Variants in LHFPL4 observed in about 807,000 individuals in gnomAD.
LHFPL4 encodes the protein LHFPL tetraspan subfamily member 4 protein.
Under a neutral mutation model 20.0 loss-of-function variants are expected in LHFPL4, and 6 were observed. That is an observed-to-expected ratio of 0.30 (90% confidence interval 0.16 to 0.59). The LOEUF (loss-of-function observed/expected upper bound fraction) is 0.59, where lower values mean the gene tolerates loss of function less well. Among genes scored for constraint, LHFPL4 ranks in the 20% least tolerant of loss-of-function variants. The pLI is 0.88. For missense variants in LHFPL4, 215 were observed against 331.2 expected (o/e 0.65, Z 2.72); for synonymous variants, 129 against 143.8 (o/e 0.90, Z 0.74).
At chr3:9,532,626 C>T (rs887101882) in intron 2 of LHFPL4, among the ~76,000 whole-genome samples, 5 of 152,204 alleles carry the variant, frequency 3.3e-5, no homozygotes, top group Admixed American at 6.5e-5. Flanking sequence ...TGAGGCACCG[C>T]GCCTGGCCTA....
In LHFPL4 at chr3:9,543,755, A is replaced by C. The variant is rs1320417039; in HGVS notation, c.406+8519T>G. On this transcript the variant is annotated intron_variant, in intron 2 of 3. Coordinates refer to ENST00000287585, the MANE Select transcript of LHFPL4 (RefSeq NM_198560.3). ...TTTTTTTTTTTTTTTTTTTGAGTCA[A>C]CATCTCACTCTGTCACCCAGGCTGG... is the stretch of plus-strand genomic sequence containing the variant. 4.2e-5 allele frequency among the ~76,000 whole-genome samples: 5 copies of C among 118,504 alleles called. 1 individual carries two copies. The highest frequency in any genetic ancestry group is 1.9e-4 in the Admixed American group (2 of 10,332). The allele number at this position is 118,504 out of a possible 152,430, so 77.7% of individuals were successfully genotyped here.
At chr3:9,542,172 G>T (rs1300964506) in intron 2 of LHFPL4, among the ~76,000 whole-genome samples, 1 of 152,208 alleles carries the variant, frequency 6.6e-6, no homozygotes, top group Non-Finnish European at 1.5e-5. Flanking sequence ...TGTAATCCCA[G>T]CTACTTGGGA....
At chr3:9,543,284 G>A (rs544843543) in intron 2 of LHFPL4, among the ~76,000 whole-genome samples, 1 of 152,012 alleles carries the variant, frequency 6.6e-6, no homozygotes, top group East Asian at 1.9e-4. Flanking sequence ...GGCGGATCAC[G>A]AGGTCAGGAG....
chr3:9,524,315 A>G (rs187869704), intron 2 of LHFPL4, among the ~76,000 whole-genome samples: 2 of 151,722 alleles, frequency 1.3e-5, no homozygotes, highest in African/African-American at 4.8e-5. Flanking sequence ...ATTTTCAGTC[A>G]TTATTATTCC....
chr3:9,511,443 C>G lies in LHFPL4; in HGVS notation c.407-5240G>C, dbSNP rs527502541. ...GCTCAGAGGCACCAGGTGTCTTATC[C>G]AATGTCACATAGCTTGTAAGTGGGG... On this transcript the variant is annotated intron_variant, in intron 2 of 3. Coordinates refer to ENST00000287585, the MANE Select transcript of LHFPL4 (RefSeq NM_198560.3). 8.5e-5 allele frequency among the ~76,000 whole-genome samples: 13 copies of G among 152,118 alleles called. 1 individual carries two copies. Among genetic ancestry groups the G allele is most frequent in the South Asian group, 8.3e-4 (4 of 4,808 alleles).
Position 9,523,990 on chromosome 3 carries a change from C to G in LHFPL4, c.407-17787G>C, listed in dbSNP as rs143889353. On this transcript the variant is annotated intron_variant, in intron 2 of 3. Coordinates refer to ENST00000287585, the MANE Select transcript of LHFPL4 (RefSeq NM_198560.3). ...CAATTCTAGGCTAGTATTTCCCCCCCCCCCAACACTTTAAATATTTCACTC... is the reference window on the plus strand; with the variant it reads ...CAATTCTAGGCTAGTATTTCCCCCCGCCCCAACACTTTAAATATTTCACTC... 3.8e-4 allele frequency among the ~76,000 whole-genome samples: 52 copies of G among 137,672 alleles called. 2 individuals are homozygous for G. The East Asian group carries it at 4.2e-3, about 11-fold the overall frequency. 90.3% of individuals were successfully genotyped at this position (137,672 alleles called of 152,430 possible). A position where few individuals can be genotyped will look rare whatever the true frequency, so the allele number is the denominator to read the frequency against.
At chr3:9,553,376 T>G (rs1442282864) in intron 1 of LHFPL4, among the ~76,000 whole-genome samples, 1 of 77,220 alleles carries the variant, frequency 1.3e-5, no homozygotes, top group Admixed American at 1.5e-4. Context: ...GATCGGGGGC[T>G]GGGACTGCTG....
chr3:9,548,318 T>TA (rs1410100393), intron 2 of LHFPL4, among the ~76,000 whole-genome samples: 2 of 152,228 alleles, frequency 1.3e-5, no homozygotes, highest in Non-Finnish European at 2.9e-5. Flanking sequence ...GTAATAATGA[T>TA]AACAGTCATA....
chr3:9,512,260 C>T (rs868202729), intron 2 of LHFPL4, among the ~76,000 whole-genome samples: 1 of 152,126 alleles, frequency 6.6e-6, no homozygotes, highest in Admixed American at 6.6e-5. Flanking sequence ...TCAGTTTCCC[C>T]CTCTGGGCCT....
At chr3:9,508,683 G>T (rs1265546566) in intron 2 of LHFPL4, among the ~76,000 whole-genome samples, 1 of 152,166 alleles carries the variant, frequency 6.6e-6, no homozygotes, top group Non-Finnish European at 1.5e-5. Flanking sequence ...AGGCCTGGCC[G>T]TCATCTCTCC....
intron 2 of LHFPL4, among the ~76,000 whole-genome samples, chr3:9,541,753 CAG>C (rs1236206980): frequency 6.6e-6 from 1 of 151,512 alleles, no homozygotes; most frequent in Non-Finnish European, 1.5e-5. Flanking sequence ...GCGTGGGTGA[CAG>C]AGCAAAATTT....
intron 2 of LHFPL4, among the ~76,000 whole-genome samples, chr3:9,517,914 T>C (rs2046314976): frequency 6.6e-6 from 1 of 151,896 alleles, no homozygotes; most frequent in South Asian, 2.1e-4. Flanking sequence ...ATTCCTTTTA[T>C]TTCCTTTTCT....
rs1327205831 is a variant in LHFPL4 at position 9,553,770 on chromosome 3, C to G, written c.-254G>C. 6.6e-6 allele frequency: 1 copy of G among 150,652 alleles called. No individual in the cohort carries two copies. The highest frequency in any genetic ancestry group is 2.4e-5 in the African/African-American group (1 of 41,266). The allele number at this position is 150,652 out of a possible 1,614,324, so 9.3% of individuals were successfully genotyped here. ...GCTCCCAGCAGCGGCTGCCTCGGCC[C>G]AGGCGGCGGCCTCTGCGCGGCCTCC... On this transcript the variant is annotated 5_prime_UTR_variant, in exon 1 of 4. Coordinates refer to ENST00000287585, the MANE Select transcript of LHFPL4 (RefSeq NM_198560.3).
intron 3 of LHFPL4, among the ~76,000 whole-genome samples, chr3:9,504,779 C>T (rs1427740629): frequency 6.7e-6 from 1 of 150,300 alleles, no homozygotes; most frequent in Non-Finnish European, 1.5e-5. Context: ...GAGTGGAGAT[C>T]GCGCCACTGC....
intron 3 of LHFPL4, among the ~76,000 whole-genome samples, chr3:9,504,552 A>G (rs531097139): frequency 6.6e-6 from 1 of 152,088 alleles, no homozygotes; most frequent in African/African-American, 2.4e-5. Context: ...ACAGCTGGGC[A>G]CGGTGGCTCA....
At position 9,547,981 on chromosome 3, in the gene LHFPL4, T is replaced by C. The variant is rs372703668; in HGVS notation, c.406+4293A>G. Reference sequence around the variant, plus strand: ...CCATCACAACTGGCTAATTTTTGTATTATTTGTAGAGACAGGGTTTCACCA... The same window carrying C: ...CCATCACAACTGGCTAATTTTTGTACTATTTGTAGAGACAGGGTTTCACCA... On this transcript the variant is annotated intron_variant, in intron 2 of 3. Coordinates refer to ENST00000287585, the MANE Select transcript of LHFPL4 (RefSeq NM_198560.3). 1.2e-4 allele frequency among the ~76,000 whole-genome samples: 19 copies of C among 152,282 alleles called. No individual in the cohort carries two copies. In the East Asian group the frequency reaches 2.1e-3, roughly 17 times the overall value.
chr3:9,533,619 A>G (rs1287759047), intron 2 of LHFPL4, among the ~76,000 whole-genome samples: 1 of 152,124 alleles, frequency 6.6e-6, no homozygotes, highest in African/African-American at 2.4e-5. Context: ...CGTCTCTACT[A>G]AAAATACACA....
At position 9,502,314 on chromosome 3, in the gene LHFPL4, AAGAGAGAG is replaced by A. The variant is rs748612761; in HGVS notation, c.644-11_644-4del. On this transcript the variant is annotated splice_polypyrimidine_tract_variant and splice_region_variant and intron_variant, in intron 3 of 3. Transcript: ENST00000287585. ...GCTTACTGTAGAGCCCACAAAATCT[AAGAGAGAG>A]AGAGAGAGAGAGAAGGAGAGAGAAT... 9.9e-6 allele frequency: 15 copies of A among 1,521,028 alleles called. No individual in the cohort carries two copies. Among genetic ancestry groups the A allele is most frequent in the Admixed American group, 3.4e-5 (2 of 58,462 alleles). 94.2% of individuals were successfully genotyped at this position (1,521,028 alleles called of 1,614,324 possible).
intron 2 of LHFPL4, among the ~76,000 whole-genome samples, chr3:9,511,951 TA>T (rs1253151201): frequency 3.8e-5 from 5 of 130,772 alleles, no homozygotes; most frequent in Admixed American, 7.6e-5. Context: ...TTTTTTTTTT[TA>T]GACGGAATCT....
Sources: gnomAD v4.1 joint callset for allele counts (sites outside exome capture counted in the v4.1 genomes callset) on GRCh38, gnomAD v4.1.1 for gene constraint, MANE v1.5 for transcripts, NCBI Gene and HGNC (gene_info 2026-07-23, HGNC 2026-07-21) for gene names.